Variants in IGF2BP1 observed in about 807,000 individuals in gnomAD.
IGF2BP1 encodes insulin like growth factor 2 mRNA binding protein 1.
Under a neutral mutation model 74.9 loss-of-function variants are expected in IGF2BP1, and 11 were observed. The ratio of observed to expected loss-of-function variants is 0.15; its 90% confidence interval spans 0.09 to 0.24. The LOEUF (loss-of-function observed/expected upper bound fraction) is 0.24, where lower values mean the gene tolerates loss of function less well. IGF2BP1 is among the 10% of genes least tolerant of loss of function. IGF2BP1 has a pLI of 1.00. For missense variants in IGF2BP1, 440 were observed against 757.4 expected (o/e 0.58, Z 4.92); for synonymous variants, 287 against 281.8 (o/e 1.02, Z -0.18).
Position 49,049,345 on chromosome 17 carries a change from G to T in IGF2BP1, c.1642-7G>T. ...CACACCCACTCTCTTGCCTGTTCTT[G>T]CTGCAGATGGCTCAACGGAAGATCC... is the stretch of plus-strand genomic sequence containing the variant. On this transcript the variant is annotated splice_polypyrimidine_tract_variant and splice_region_variant and intron_variant, in intron 14 of 14. Coordinates refer to ENST00000290341, the MANE Select transcript of IGF2BP1 (RefSeq NM_006546.4). 6.2e-7 allele frequency: 1 copy of T among 1,613,784 alleles called. No individual in the cohort carries two copies. Among genetic ancestry groups the T allele is most frequent in the Non-Finnish European group, 8.5e-7 (1 of 1,179,820 alleles).
At chr17:49,034,760 A>AAC (rs2041967344) in intron 5 of IGF2BP1, among the ~76,000 whole-genome samples, 3 of 139,984 alleles carry the variant, frequency 2.1e-5, no homozygotes, top group African/African-American at 5.8e-5. Context: ...AAAAAACAAA[A>AAC]AAAACAAAAA....
At chr17:49,042,163 C>A in intron 8 of IGF2BP1, 79 bp from the exon 9 acceptor site, 1 of 1,578,878 alleles carries the variant, frequency 6.3e-7, no homozygotes, top group Non-Finnish European at 8.6e-7. Context: ...TGTGACTCAG[C>A]TGGCCTCTCG....
intron 5 of IGF2BP1, among the ~76,000 whole-genome samples, chr17:49,032,338 G>A (rs190673429): frequency 6.6e-6 from 1 of 152,076 alleles, no homozygotes; most frequent in Non-Finnish European, 1.5e-5. Context: ...TGTTCATGGC[G>A]CCATCTAGTG....
chr17:49,026,604 T>A, intron 4 of IGF2BP1, 87 bp downstream of exon 4: 4 of 1,177,632 alleles, frequency 3.4e-6, no homozygotes, highest in South Asian at 2.5e-5. Context: ...TGTTTCTTTC[T>A]TTTTCTCCCT....
intron 4 of IGF2BP1, among the ~76,000 whole-genome samples, chr17:49,027,526 C>G (rs973522320): frequency 6.6e-6 from 1 of 152,048 alleles, no homozygotes; most frequent in Admixed American, 6.6e-5. Flanking sequence ...AGTAGGCCCA[C>G]AGAAGGAAAA....
chr17:49,033,829 T>A (rs1050808733), intron 5 of IGF2BP1, among the ~76,000 whole-genome samples: 1 of 151,584 alleles, frequency 6.6e-6, no homozygotes, highest in Non-Finnish European at 1.5e-5. Context: ...AAAATAATTA[T>A]TTTATTTTTT....
chr17:49,017,392 T>C (rs1422703986), intron 2 of IGF2BP1, among the ~76,000 whole-genome samples: 3 of 152,078 alleles, frequency 2.0e-5, no homozygotes, highest in Non-Finnish European at 4.4e-5. Context: ...CACTGTCCAA[T>C]AGAAATGCAA....
intron 2 of IGF2BP1, among the ~76,000 whole-genome samples, chr17:49,021,315 C>G (rs75088489): frequency 0.012 from 1,782 of 152,278 alleles, 43 homozygotes; most frequent in African/African-American, 0.04. Context: ...CCTGTGCTTC[C>G]TGAATCTCTT....
Position 49,043,964 on chromosome 17 carries a change from C to G in IGF2BP1, c.1201-3C>G, listed in dbSNP as rs755368650. ...CTGGTAACAACGCCTCCTATCCTGG[C>G]AGCAGGCTCCCGAGCAGGAGATGGT... On this transcript the variant is annotated splice_region_variant and splice_polypyrimidine_tract_variant and intron_variant, in intron 10 of 14. Coordinates refer to ENST00000290341, the MANE Select transcript of IGF2BP1 (RefSeq NM_006546.4). The G allele has an allele frequency of 1.9e-5, 31 of 1,613,408 alleles. No homozygotes were observed. The highest frequency in any genetic ancestry group is 1.5e-4 in the Admixed American group (9 of 59,916).
At chr17:49,019,195 CA>C (rs2041744731) in intron 2 of IGF2BP1, among the ~76,000 whole-genome samples, 2 of 152,192 alleles carry the variant, frequency 1.3e-5, no homozygotes, top group East Asian at 1.9e-4. Flanking sequence ...ATACCAGTCC[CA>C]GGGGTAGTTT....
At chr17:48,999,253 A>G (rs2041454327) in intron 2 of IGF2BP1, 84 bp downstream of exon 2, 2 of 836,010 alleles carry the variant, frequency 2.4e-6, no homozygotes, top group Non-Finnish European at 4.0e-6. Flanking sequence ...TAGCGTCTCC[A>G]GTGGAAGAAA....
intron 2 of IGF2BP1, among the ~76,000 whole-genome samples, chr17:49,003,991 G>C (rs992415509): frequency 6.6e-6 from 1 of 152,040 alleles, no homozygotes; most frequent in South Asian, 2.1e-4. Context: ...AGTAGAGAGA[G>C]AGAAAGTGGC....
At chr17:49,038,091 G>C in intron 5 of IGF2BP1, 77 bp from the exon 6 acceptor site, 2 of 1,294,472 alleles carry the variant, frequency 1.5e-6, no homozygotes, top group Non-Finnish European at 2.0e-6. Context: ...TAACTTACTA[G>C]AGTGCTTTGG....
rs143118031 is a variant in IGF2BP1 at position 49,006,155 on chromosome 17, T to C, written c.236+6986T>C. ...CTGAGTGAAATTTGATTGGATAGTTTAGTTTAGTTGATTGGATATAGTTAG... is the reference window on the plus strand; with the variant it reads ...CTGAGTGAAATTTGATTGGATAGTTCAGTTTAGTTGATTGGATATAGTTAG... On this transcript the variant is annotated intron_variant, in intron 2 of 14. Coordinates refer to ENST00000290341, the MANE Select transcript of IGF2BP1 (RefSeq NM_006546.4). Among the ~76,000 whole-genome samples, 15 of 152,330 alleles carry C rather than the reference T, an allele frequency of 9.8e-5. No homozygotes were observed. In the East Asian group the frequency reaches 2.7e-3, roughly 27 times the overall value.
chr17:48,998,963 C>T (rs996379047), intron 1 of IGF2BP1, 146 bp from the exon 2 acceptor site: 1 of 621,304 alleles, frequency 1.6e-6, no homozygotes, highest in Admixed American at 3.0e-5. Flanking sequence ...TTTTTCCCAT[C>T]TGGATGCGGA....
chr17:49,046,387 T>TC lies in IGF2BP1; in HGVS notation c.1641+19dup, dbSNP rs576270157. On this transcript the variant is annotated intron_variant, in intron 14 of 14. Coordinates refer to ENST00000290341, the MANE Select transcript of IGF2BP1 (RefSeq NM_006546.4). ...TATGCCAGTCAGGTACATATGGTGC[T>TC]CCCCCATTGAGGGAGGGCTGCAGGA... The TC allele has an allele frequency of 2.0e-3, 3,252 of 1,592,682 alleles. 5 individuals carry two copies. Among genetic ancestry groups the TC allele is most frequent in the Non-Finnish European group, 2.3e-3 (2,672 of 1,160,830 alleles).
In IGF2BP1 at chr17:49,038,286, C is replaced by G. The variant is rs779507141; in HGVS notation, c.520C>G (p.Arg174Gly). 1.2e-6 allele frequency: 2 copies of G among 1,603,102 alleles called. No homozygotes were observed. Residue 174 changes from arginine (R) to glycine (G), a missense_variant, in exon 6 of 15, where the codon CGG becomes GGG. Physicochemically the swap from Arg to Gly is moderately radical, Grantham distance 125 (BLOSUM62 -2). Transcript: ENST00000290341. ...TGGGCGCCGAGGGGGCTTTGGCTCT[C>G]GGGGTCAGCCCCGCCAGGGCTCACC... ...ENGRRGGFGS[R>G]GQPRQGSPVA...
chr17:49,033,990 A>T (rs1235551896), intron 5 of IGF2BP1, among the ~76,000 whole-genome samples: 1 of 151,622 alleles, frequency 6.6e-6, no homozygotes, highest in Non-Finnish European at 1.5e-5. Flanking sequence ...GGGCCAATTT[A>T]AAAATTTTTA....
intron 7 of IGF2BP1, 41 bp from the exon 8 acceptor site, chr17:49,041,337 A>G: frequency 1.9e-6 from 3 of 1,609,898 alleles, no homozygotes; most frequent in Non-Finnish European, 1.7e-6. Flanking sequence ...CCCACAATTG[A>G]AGGAACTCTT....
Sources: gnomAD v4.1 joint callset for allele counts (sites outside exome capture counted in the v4.1 genomes callset) on GRCh38, gnomAD v4.1.1 for gene constraint, MANE v1.5 for transcripts, NCBI Gene and HGNC (gene_info 2026-07-23, HGNC 2026-07-21) for gene names.